CELF2: variants seen among roughly 807,000 people sequenced by gnomAD.
The protein encoded by CELF2 is CUGBP Elav-like family member 2.
Under a neutral mutation model 62.6 loss-of-function variants are expected in CELF2, and 8 were observed. The ratio of observed to expected loss-of-function variants is 0.13; its 90% CI spans 0.07 to 0.23. The LOEUF is 0.23. Among genes scored for constraint, CELF2 ranks in the 10% least tolerant of loss-of-function variants. The pLI is 1.00. For synonymous variants in CELF2, 258 were observed against 250.0 expected (o/e 1.03, Z -0.30); for missense variants, 333 against 671.0 (o/e 0.50, Z 5.56).
chr10:11,073,111 G>A (rs1243910778), intron 1 of CELF2, among the ~76,000 whole-genome samples: 1 of 152,040 alleles, frequency 6.6e-6, no homozygotes, highest in African/African-American at 2.4e-5. Flanking sequence ...ATATTAACAT[G>A]TCAAATCTTA....
At chr10:10,521,934 C>T in the CELF2 span, among the ~76,000 whole-genome samples, 28 of 152,228 alleles carry the variant, frequency 1.8e-4, no homozygotes, top group Middle Eastern at 3.4e-3. Flanking sequence ...ATAATGAGGA[C>T]GGAATGAATG....
intron 3 of CELF2, among the ~76,000 whole-genome samples, chr10:11,234,679 CAAAAAA>C (rs11387214): frequency 8.4e-5 from 7 of 83,282 alleles, no homozygotes; most frequent in Admixed American, 2.8e-4. Context: ...GACTCCATCT[CAAAAAA>C]AAAAAAAAAA....
At position 10,997,924 on chromosome 10, in the gene CELF2, T is replaced by C. The variant is rs756927637; in HGVS notation, c.89+77925T>C. On this transcript the variant is annotated intron_variant, in intron 2 of 13. Transcript: ENST00000636488. The surrounding 1 kb of genome is among the most constrained non-coding windows in gnomAD (Gnocchi z 5.3). Reference sequence around the variant, plus strand: ...GAATTGTAATAATCCCCACGTGTCATGGGAGGGACCCGGTGGGAGGTAATT... The same window carrying C: ...GAATTGTAATAATCCCCACGTGTCACGGGAGGGACCCGGTGGGAGGTAATT... Among the ~76,000 whole-genome samples the C allele has an allele frequency of 2.6e-5, 4 of 152,158 alleles. No homozygotes were observed. The highest frequency in any genetic ancestry group is 5.9e-5 in the Non-Finnish European group (4 of 68,022).
At chr10:10,680,439 C>G in the CELF2 span, among the ~76,000 whole-genome samples, 2 of 152,138 alleles carry the variant, frequency 1.3e-5, no homozygotes, top group African/African-American at 2.4e-5. Context: ...GTTCCAAGAG[C>G]GAGGCTTCTA....
intron 1 of CELF2, among the ~76,000 whole-genome samples, chr10:11,056,150 G>A (rs1057192835): frequency 2.6e-5 from 4 of 152,206 alleles, no homozygotes; most frequent in Non-Finnish European, 4.4e-5. Context: ...AAGTGTGTGT[G>A]CAATATGGGA....
chr10:10,797,826 C>T (rs998068344), upstream of CELF2, among the ~76,000 whole-genome samples: 2 of 150,790 alleles, frequency 1.3e-5, no homozygotes, highest in African/African-American at 4.9e-5. Flanking sequence ...CAGTACAGTC[C>T]CGAAGAACCC....
chr10:11,004,176 CTAT>C (rs2054815326), upstream of CELF2, among the ~76,000 whole-genome samples: 1 of 152,186 alleles, frequency 6.6e-6, no homozygotes, highest in African/African-American at 2.4e-5. The surrounding 1 kb of genome is among the most constrained non-coding windows in gnomAD (Gnocchi z 5.0). Context: ...CTTTCCTCCT[CTAT>C]TATTATCCCC....
chr10:10,489,722 G>A, the CELF2 span, among the ~76,000 whole-genome samples: 3 of 152,074 alleles, frequency 2.0e-5, no homozygotes. Flanking sequence ...TGAGAGTGAT[G>A]TGTGCTAATA....
At chr10:11,024,946 C>A (rs1040632753) in intron 1 of CELF2, among the ~76,000 whole-genome samples, 1 of 152,138 alleles carries the variant, frequency 6.6e-6, no homozygotes, top group South Asian at 2.1e-4. Context: ...AAATTCTGTG[C>A]TTTTATGCTG....
the CELF2 span, among the ~76,000 whole-genome samples, chr10:10,673,004 G>T: frequency 1.3e-5 from 2 of 151,890 alleles, no homozygotes; most frequent in South Asian, 2.1e-4. Flanking sequence ...TATAGATCTT[G>T]TATGTATTTT....
chr10:10,759,423 C>T, the CELF2 span, among the ~76,000 whole-genome samples: 2 of 150,718 alleles, frequency 1.3e-5, no homozygotes, highest in East Asian at 3.9e-4. Flanking sequence ...GATTCTCCTA[C>T]CTCAGGCTCC....
At chr10:11,202,947 CTCTCTGTGTGTG>C (rs1371249760) in intron 2 of CELF2, among the ~76,000 whole-genome samples, 4 of 52,654 alleles carry the variant, frequency 7.6e-5, no homozygotes, top group African/African-American at 2.3e-4. Context: ...CTCTCTCTCT[CTCTCTGTGTGTG>C]TGTGTGTGTG....
the CELF2 span, chr10:10,792,273 G>T: frequency 2.5e-6 from 1 of 396,722 alleles, no homozygotes; most frequent in East Asian, 3.6e-5. Flanking sequence ...TTAGTTTTTA[G>T]ATCTGTCTTC....
intron 9 of CELF2, among the ~76,000 whole-genome samples, chr10:11,292,684 G>A (rs1430474972): frequency 6.6e-6 from 1 of 152,046 alleles, no homozygotes; most frequent in Non-Finnish European, 1.5e-5. Context: ...CAAAGAGGCT[G>A]TCTCCCCAAG....
intron 2 of CELF2, among the ~76,000 whole-genome samples, chr10:10,996,508 C>T (rs201107): frequency 0.25 from 38,718 of 152,164 alleles, 9,493 homozygotes; most frequent in African/African-American, 0.64. Flanking sequence ...CAGTTCCCAA[C>T]TGGTTTCTGA....
At chr10:11,299,467 C>T (rs565444364) in intron 9 of CELF2, among the ~76,000 whole-genome samples, 1 of 152,184 alleles carries the variant, frequency 6.6e-6, no homozygotes, top group African/African-American at 2.4e-5. Flanking sequence ...CCCAACCCCC[C>T]CCAGGAAGGC....
chr10:10,655,813 C>T, the CELF2 span, among the ~76,000 whole-genome samples: 1 of 137,824 alleles, frequency 7.3e-6, no homozygotes, highest in Non-Finnish European at 1.6e-5. Flanking sequence ...TAGGCACAGG[C>T]AAGGACTTCA....
chr10:10,769,777 T>C, the CELF2 span, among the ~76,000 whole-genome samples: 4 of 151,492 alleles, frequency 2.6e-5, no homozygotes, highest in Non-Finnish European at 5.9e-5. Flanking sequence ...AAAATAATAA[T>C]AATAATAATA....
chr10:10,654,147 A>G, the CELF2 span, among the ~76,000 whole-genome samples: 1 of 139,610 alleles, frequency 7.2e-6, no homozygotes, highest in Non-Finnish European at 1.6e-5. Context: ...TGACACATAC[A>G]CTCTCCCAAG....
Sources: allele counts gnomAD v4.1 joint callset (sites outside exome capture counted in the v4.1 genomes callset), GRCh38; gene constraint gnomAD v4.1.1; non-coding constraint Gnocchi (gnomAD v3.1); transcripts MANE v1.5; gene names NCBI Gene and HGNC (gene_info 2026-07-23, HGNC 2026-07-21).